The following TAFA1 variants were observed in gnomAD, a reference collection of about 807,000 sequenced individuals.
TAFA1 encodes chemokine-like protein TAFA-1.
TAFA1 carries 4 observed loss-of-function variants against 18.5 expected under a neutral mutation model. The observed-to-expected ratio is 0.22, with a 90% confidence interval of 0.11 to 0.49. The LOEUF (loss-of-function observed/expected upper bound fraction) is 0.49, where lower values mean the gene tolerates loss of function less well. Ranked by LOEUF, TAFA1 falls within the 20% of genes least tolerant of loss-of-function variation. The pLI, the probability that TAFA1 is intolerant of heterozygous loss-of-function variation, is 0.98. For synonymous variants in TAFA1, 56 were observed against 55.2 expected (o/e 1.01, Z -0.06); for missense variants, 147 against 169.0 (o/e 0.87, Z 0.72).
At chr3:68,129,243 T>C (rs1490478852) in intron 2 of TAFA1, among the ~76,000 whole-genome samples, 2 of 152,206 alleles carry the variant, frequency 1.3e-5, no homozygotes, top group Non-Finnish European at 2.9e-5. Flanking sequence ...ATGTAAACCT[T>C]GTGACTGTCT....
chr3:68,210,225 C>A (rs1192630245), intron 2 of TAFA1, among the ~76,000 whole-genome samples: 2 of 152,012 alleles, frequency 1.3e-5, no homozygotes, highest in Non-Finnish European at 2.9e-5. Flanking sequence ...AAGGCTTCAT[C>A]ATAAATATGG....
At chr3:68,408,156 G>A (rs989722537) in intron 2 of TAFA1, among the ~76,000 whole-genome samples, 1 of 152,098 alleles carries the variant, frequency 6.6e-6, no homozygotes, top group African/African-American at 2.4e-5. Context: ...TTTAAAGAAA[G>A]GAACCGTTTG....
intron 3 of TAFA1, among the ~76,000 whole-genome samples, chr3:68,513,478 A>T (rs1042841389): frequency 1.3e-5 from 2 of 152,192 alleles, no homozygotes; most frequent in African/African-American, 4.8e-5. Context: ...AAATATCCAC[A>T]TGTGGCTAGT....
chr3:68,174,658 A>T (rs2066101488), intron 2 of TAFA1, among the ~76,000 whole-genome samples: 1 of 152,206 alleles, frequency 6.6e-6, no homozygotes, highest in Non-Finnish European at 1.5e-5. Context: ...TCAAGAGGTG[A>T]CTTGGGTGTT....
At position 68,140,589 on chromosome 3, in the gene TAFA1, G is replaced by A. The variant is rs142753795; in HGVS notation, c.118+133845G>A. On this transcript the variant is annotated intron_variant, in intron 2 of 4. Transcript: ENST00000478136. ...CTGAACACTTTCCTGCCACTTACTT[G>A]ACTTCCAACTTTGATCAAGTTCCTA... 4.9e-3 allele frequency among the ~76,000 whole-genome samples: 752 copies of A among 152,274 alleles called. 6 individuals are homozygous for A. The highest frequency in any genetic ancestry group is 0.017 in the African/African-American group (725 of 41,550).
At chr3:68,538,647 G>A in intron 3 of TAFA1, 109 bp from the exon 4 acceptor site, 1 of 1,062,954 alleles carries the variant, frequency 9.4e-7, no homozygotes, top group Non-Finnish European at 1.4e-6. Flanking sequence ...GAGGATTAAA[G>A]AGAACTTAGT....
At chr3:68,400,854 C>T (rs1418471506) in intron 2 of TAFA1, among the ~76,000 whole-genome samples, 1 of 152,170 alleles carries the variant, frequency 6.6e-6, no homozygotes, top group Non-Finnish European at 1.5e-5. Context: ...TAGATGGCCT[C>T]AGCGGACTTT....
At chr3:68,522,242 G>A (rs574875863) in intron 3 of TAFA1, among the ~76,000 whole-genome samples, 1 of 152,252 alleles carries the variant, frequency 6.6e-6, no homozygotes, top group African/African-American at 2.4e-5. Context: ...GTCTTCCAGT[G>A]TCTTTCTGTC....
At chr3:68,313,791 C>T (rs2068561718) in intron 2 of TAFA1, among the ~76,000 whole-genome samples, 1 of 152,154 alleles carries the variant, frequency 6.6e-6, no homozygotes, top group East Asian at 1.9e-4. Flanking sequence ...ATTACTGGAA[C>T]TTGAATTATT....
chr3:68,215,702 T>C (rs1225305717), intron 2 of TAFA1, among the ~76,000 whole-genome samples: 3 of 152,016 alleles, frequency 2.0e-5, no homozygotes, highest in African/African-American at 7.2e-5. Context: ...AGGACCTCAT[T>C]GTTGATGGAA....
intron 2 of TAFA1, among the ~76,000 whole-genome samples, chr3:68,306,381 A>G (rs2068422863): frequency 6.6e-6 from 1 of 152,166 alleles, no homozygotes; most frequent in Non-Finnish European, 1.5e-5. Flanking sequence ...AAGTGACAGT[A>G]ATTATCAGGC....
At chr3:68,204,872 T>G (rs1404823959) in intron 2 of TAFA1, among the ~76,000 whole-genome samples, 1 of 151,846 alleles carries the variant, frequency 6.6e-6, no homozygotes, top group South Asian at 2.1e-4. Context: ...CTACAGCCTG[T>G]TCTCACTGTA....
intron 2 of TAFA1, among the ~76,000 whole-genome samples, chr3:68,360,021 C>T (rs534979252): frequency 1.3e-5 from 2 of 151,828 alleles, no homozygotes; most frequent in Non-Finnish European, 2.9e-5. Flanking sequence ...GTTTTTTAGA[C>T]CCCCACTTGT....
At chr3:68,276,605 T>C (rs1300379667) in intron 2 of TAFA1, among the ~76,000 whole-genome samples, 1 of 152,200 alleles carries the variant, frequency 6.6e-6, no homozygotes, top group Non-Finnish European at 1.5e-5. Flanking sequence ...ACAAAGTTGC[T>C]TAATATTTTA....
chr3:68,152,104 G>A (rs973882308), intron 2 of TAFA1, among the ~76,000 whole-genome samples: 8 of 152,200 alleles, frequency 5.3e-5, no homozygotes, highest in African/African-American at 7.2e-5. Context: ...TTTGCCCAAA[G>A]AATAATTTTG....
intron 3 of TAFA1, among the ~76,000 whole-genome samples, chr3:68,480,060 A>T (rs1216343898): frequency 6.6e-6 from 1 of 152,152 alleles, no homozygotes; most frequent in Non-Finnish European, 1.5e-5. Flanking sequence ...TTCCATGCAA[A>T]TAACATCAGT....
At chr3:68,017,959 A>G (rs1249993787) in intron 2 of TAFA1, among the ~76,000 whole-genome samples, 1 of 119,236 alleles carries the variant, frequency 8.4e-6, no homozygotes. Flanking sequence ...AAGGTTGGGT[A>G]GGAAGTCAGC....
chr3:68,084,283 T>A (rs2064943608), intron 2 of TAFA1, among the ~76,000 whole-genome samples: 1 of 152,230 alleles, frequency 6.6e-6, no homozygotes, highest in Admixed American at 6.5e-5. Context: ...TGGAAATAGA[T>A]TATTAGAAGA....
At chr3:68,415,322 G>A (rs1230599245) in intron 2 of TAFA1, among the ~76,000 whole-genome samples, 1 of 152,184 alleles carries the variant, frequency 6.6e-6, no homozygotes, top group Non-Finnish European at 1.5e-5. Flanking sequence ...CTTGACCCCA[G>A]TCAAGCTTAC....
Sources: allele counts gnomAD v4.1 joint callset (sites outside exome capture counted in the v4.1 genomes callset), GRCh38; gene constraint gnomAD v4.1.1; transcripts MANE v1.5; gene names NCBI Gene and HGNC (gene_info 2026-07-23, HGNC 2026-07-21).